The following DPP6 variants were observed in gnomAD, a reference collection of about 807,000 sequenced individuals.
The protein encoded by DPP6 is dipeptidyl peptidase like 6.
A neutral mutation model predicts 122.6 loss-of-function variants in DPP6; 69 were observed. The observed-to-expected ratio is 0.56, with a 90% CI of 0.46 to 0.69. DPP6 has a LOEUF of 0.69. Ranked by LOEUF, DPP6 falls within the 30% of genes least tolerant of loss-of-function variation. DPP6 has a pLI of 0.00. For synonymous variants in DPP6, 418 were observed against 433.1 expected, an observed-to-expected ratio of 0.97 and a Z score of 0.43; for missense variants, 928 against 1,116.9, an observed-to-expected ratio of 0.83 and a Z score of 2.41.
chr7:154,263,551 A>G (rs993472909), intron 1 of DPP6, among the ~76,000 whole-genome samples: 3 of 152,106 alleles, frequency 2.0e-5, no homozygotes, highest in Non-Finnish European at 4.4e-5. Context: ...ACAGGTTTCC[A>G]TGAGAAGTGG....
chr7:154,148,036 C>G (rs1490086685), intron 1 of DPP6, among the ~76,000 whole-genome samples: 1 of 150,262 alleles, frequency 6.7e-6, no homozygotes, highest in Admixed American at 6.6e-5. Flanking sequence ...GACCAGCACT[C>G]CATGAATTTT....
chr7:154,554,106 T>A (rs1829844119), intron 4 of DPP6, among the ~76,000 whole-genome samples: 1 of 152,110 alleles, frequency 6.6e-6, no homozygotes, highest in Admixed American at 6.5e-5. Flanking sequence ...AGCACCCGAG[T>A]CTGTCTGATT....
intron 1 of DPP6, among the ~76,000 whole-genome samples, chr7:154,313,685 G>GTGTATATATATATATATA: frequency 3.4e-4 from 7 of 20,472 alleles, no homozygotes; most frequent in African/African-American, 7.6e-4. Context: ...TTAAGATATG[G>GTGTATATATATATATATA]TATATATATA....
intron 5 of DPP6, chr7:154,587,885 C>T (rs771488645): frequency 2.4e-5 from 39 of 1,612,772 alleles, no homozygotes; most frequent in Non-Finnish European, 5.1e-6. Context: ...CCATGGAGAC[C>T]CTGGCTGGAG....
chr7:154,581,796 C>T (rs758056920), intron 5 of DPP6, among the ~76,000 whole-genome samples: 19 of 152,212 alleles, frequency 1.2e-4, no homozygotes, highest in Non-Finnish European at 2.2e-4. Flanking sequence ...GTATTGTGCG[C>T]GGCCATCAGC....
intron 1 of DPP6, among the ~76,000 whole-genome samples, chr7:154,180,609 A>AT (rs60682311): frequency 0.048 from 7,219 of 150,694 alleles, 296 homozygotes; most frequent in African/African-American, 0.11. Context: ...TAAGATTTCA[A>AT]AAGCCTTCCC....
At chr7:153,966,573 T>TACTGC in intron 1 of DPP6, among the ~76,000 whole-genome samples, 1 of 15,562 alleles carries the variant, frequency 6.4e-5, no homozygotes, top group Non-Finnish European at 1.6e-4. Flanking sequence ...TTTTTTTTTT[T>TACTGC]TTTTTTTTTT....
intron 1 of DPP6, among the ~76,000 whole-genome samples, chr7:154,106,628 C>T (rs1806178833): frequency 6.6e-6 from 1 of 150,838 alleles, no homozygotes. Context: ...GGTGGGGGTG[C>T]ACGTGGGTGA....
At chr7:154,719,065 C>T (rs1386576541) in intron 7 of DPP6, among the ~76,000 whole-genome samples, 1 of 152,186 alleles carries the variant, frequency 6.6e-6, no homozygotes, top group Non-Finnish European at 1.5e-5. Flanking sequence ...TCCAGATATT[C>T]TACTTTCCAT....
At chr7:154,594,084 A>G (rs1247183742) in intron 5 of DPP6, among the ~76,000 whole-genome samples, 2 of 152,034 alleles carry the variant, frequency 1.3e-5, no homozygotes, top group African/African-American at 4.8e-5. Flanking sequence ...AAGGCAATTG[A>G]TTTTGGTTGT....
At chr7:153,925,335 G>T (rs1327359878) in intron 1 of DPP6, among the ~76,000 whole-genome samples, 3 of 151,692 alleles carry the variant, frequency 2.0e-5, no homozygotes, top group African/African-American at 7.3e-5. Context: ...GATGAAGAGA[G>T]ATCATCCTGC....
At chr7:153,852,932 G>A in the DPP6 span, among the ~76,000 whole-genome samples, 1 of 152,094 alleles carries the variant, frequency 6.6e-6, no homozygotes, top group Non-Finnish European at 1.5e-5. Context: ...GAAGAGAACG[G>A]ACAAGCTATG....
rs1352371176 is a variant in DPP6, at chr7:153,984,284, G to A, written c.51+96550G>A. 2.6e-5 allele frequency among the ~76,000 whole-genome samples: 4 copies of A among 152,078 alleles called. No individual in the cohort carries two copies. The East Asian group carries it at 7.7e-4, about 29-fold the overall frequency. On this transcript the variant is annotated intron_variant, in intron 1 of 25. Transcript: ENST00000404039. ...TTAATATAAGAATTTCAGAAATTAT[G>A]CAGTAATTTAAAAGTTCAAGAAACC...
At chr7:154,749,229 A>T (rs1587013773) in intron 8 of DPP6, among the ~76,000 whole-genome samples, 2 of 107,692 alleles carry the variant, frequency 1.9e-5, no homozygotes, top group African/African-American at 3.4e-5. Context: ...ATAGGACAGG[A>T]GGGAGAGGGA....
At chr7:153,972,676 A>C (rs1461764031) in intron 1 of DPP6, among the ~76,000 whole-genome samples, 3 of 151,660 alleles carry the variant, frequency 2.0e-5, no homozygotes, top group Non-Finnish European at 4.4e-5. Context: ...CAGAATTGTC[A>C]GAATTGTGGA....
At chr7:154,479,454 A>G (rs1166852381) in intron 3 of DPP6, among the ~76,000 whole-genome samples, 1 of 150,290 alleles carries the variant, frequency 6.7e-6, no homozygotes, top group Admixed American at 6.7e-5. Context: ...GCTACTCGGG[A>G]GGCTAAGGCA....
intron 7 of DPP6, among the ~76,000 whole-genome samples, chr7:154,717,089 C>T (rs1180531751): frequency 6.6e-6 from 1 of 152,140 alleles, no homozygotes; most frequent in Non-Finnish European, 1.5e-5. Flanking sequence ...CCTCAGCCTC[C>T]CAAAGTGCTG....
rs183195220 is a variant in DPP6 at position 154,850,241 on chromosome 7, T to G, written c.1667-3539T>G. Among the ~76,000 whole-genome samples, 130 of 152,350 alleles carry G rather than the reference T, an allele frequency of 8.5e-4. 1 individual carries two copies. The highest frequency in any genetic ancestry group is 3.0e-3 in the African/African-American group (125 of 41,582). On this transcript the variant is annotated intron_variant, in intron 16 of 25. Transcript: ENST00000377770. ...AGTCCATTGTATCATTTTCATGCCTTTGTATCCTCATACTTAGCTCCCACT... is the reference window on the plus strand; with the variant it reads ...AGTCCATTGTATCATTTTCATGCCTGTGTATCCTCATACTTAGCTCCCACT...
At chr7:154,495,295 G>C (rs569345432) in intron 3 of DPP6, among the ~76,000 whole-genome samples, 2 of 152,222 alleles carry the variant, frequency 1.3e-5, no homozygotes, top group East Asian at 3.9e-4. Context: ...TGAGTGATGA[G>C]AGCTTTTTAT....
Sources: gnomAD v4.1 joint callset for allele counts (sites outside exome capture counted in the v4.1 genomes callset) on GRCh38, gnomAD v4.1.1 for gene constraint, MANE v1.5 for transcripts, NCBI Gene and HGNC (gene_info 2026-07-23, HGNC 2026-07-21) for gene names.